PRICKLE2: variants seen among roughly 807,000 people sequenced by gnomAD.
The protein encoded by PRICKLE2 is prickle-like protein 2.
A neutral mutation model predicts 81.4 loss-of-function variants in PRICKLE2; 21 were observed. The ratio of observed to expected loss-of-function variants is 0.26; its 90% CI spans 0.18 to 0.37. The LOEUF (loss-of-function observed/expected upper bound fraction) is 0.37, where lower values mean the gene tolerates loss of function less well. PRICKLE2 is among the 10% of genes least tolerant of loss of function. PRICKLE2 has a pLI of 1.00. For missense variants in PRICKLE2, 940 were observed against 1,109.0 expected, an observed-to-expected ratio of 0.85 and a Z score of 2.16; for synonymous variants, 456 against 421.5, an observed-to-expected ratio of 1.08 and a Z score of -1.00.
intron 7 of PRICKLE2, among the ~76,000 whole-genome samples, chr3:64,110,066 T>C (rs375422882): frequency 1.3e-5 from 2 of 152,338 alleles, no homozygotes; most frequent in East Asian, 3.9e-4. Context: ...TCCAGAATCA[T>C]GTGGAGTCAG....
chr3:64,203,213 A>G (rs951062292), intron 1 of PRICKLE2, among the ~76,000 whole-genome samples: 1 of 152,162 alleles, frequency 6.6e-6, no homozygotes, highest in African/African-American at 2.4e-5. Context: ...TGCATCTCCA[A>G]CTCAAAGAAG....
At chr3:64,196,901 AT>A (rs1221208287) in intron 2 of PRICKLE2, among the ~76,000 whole-genome samples, 1 of 152,224 alleles carries the variant, frequency 6.6e-6, no homozygotes, top group East Asian at 1.9e-4. Context: ...GATCTTCAAA[AT>A]TTCAAGACAT....
intron 2 of PRICKLE2, among the ~76,000 whole-genome samples, chr3:64,237,732 C>T (rs1000259414): frequency 2.0e-5 from 3 of 151,854 alleles, no homozygotes; most frequent in Non-Finnish European, 2.9e-5. Flanking sequence ...GGGGCCCCAC[C>T]CTTTTCTGCC....
At chr3:64,157,417 G>A in intron 4 of PRICKLE2, 52 bp from the exon 5 acceptor site, 2 of 1,557,862 alleles carry the variant, frequency 1.3e-6, no homozygotes, top group Non-Finnish European at 1.8e-6. Flanking sequence ...ATCTCCCAGT[G>A]CTGTGCATAA....
intron 1 of PRICKLE2, among the ~76,000 whole-genome samples, chr3:64,215,636 C>A (rs932117919): frequency 6.6e-6 from 1 of 152,044 alleles, no homozygotes; most frequent in African/African-American, 2.4e-5. Flanking sequence ...ATGTATATTG[C>A]TACAATGATG....
intron 2 of PRICKLE2, chr3:64,268,158 A>T (rs1427968267): frequency 6.6e-6 from 1 of 152,310 alleles, no homozygotes; most frequent in Non-Finnish European, 1.5e-5. Context: ...GGTCCTGGGG[A>T]GAGGAGCTCC....
At chr3:64,222,182 A>T (rs2078965731) in intron 1 of PRICKLE2, among the ~76,000 whole-genome samples, 1 of 152,160 alleles carries the variant, frequency 6.6e-6, no homozygotes, top group African/African-American at 2.4e-5. Flanking sequence ...CAATATTCAT[A>T]TGAGGAAGCC....
intron 2 of PRICKLE2, among the ~76,000 whole-genome samples, chr3:64,177,125 CTTTT>C (rs10690677): frequency 1.4e-5 from 1 of 70,838 alleles, no homozygotes; most frequent in African/African-American, 6.1e-5. Context: ...CCATTTTAAC[CTTTT>C]TTTTTTTTTT....
At chr3:64,196,146 A>T (rs2078448917) in intron 2 of PRICKLE2, among the ~76,000 whole-genome samples, 1 of 152,214 alleles carries the variant, frequency 6.6e-6, no homozygotes, top group Non-Finnish European at 1.5e-5. Context: ...TCAAAACCCT[A>T]GCTTCTGCAA....
At chr3:64,178,234 C>T (rs1021051146) in intron 2 of PRICKLE2, among the ~76,000 whole-genome samples, 4 of 152,152 alleles carry the variant, frequency 2.6e-5, no homozygotes, top group African/African-American at 9.7e-5. Flanking sequence ...CTTCAGTCAT[C>T]TTTTAACTGA....
intron 7 of PRICKLE2, among the ~76,000 whole-genome samples, chr3:64,123,448 C>T (rs79270609): frequency 1.3e-5 from 2 of 152,298 alleles, no homozygotes; most frequent in Admixed American, 6.5e-5. Context: ...ATTAGTGATG[C>T]TCAACTGGTA....
rs202025796 is a variant in PRICKLE2, at chr3:64,157,317, C to A, written c.445G>T (p.Ala149Ser). 561 of 1,613,810 alleles carry A rather than the reference C, an allele frequency of 3.5e-4. No individual in the cohort carries two copies. The highest frequency in any genetic ancestry group is 4.5e-4 in the Non-Finnish European group (534 of 1,180,036). ...GGDIAVFASR[A>S]GHGVCWHPPC... ...GGGTGCCAGCAAACGCCGTGGCCAGCGCGTGACGCAAACACAGCGATGTCT... is the reference window on the plus strand; with the variant it reads ...GGGTGCCAGCAAACGCCGTGGCCAGAGCGTGACGCAAACACAGCGATGTCT... The change falls in exon 5 of 8, where the codon GCT (alanine) becomes TCT (serine). Residue 149 changes from alanine (A) to serine (S), a missense_variant. Ala to Ser is a moderately conservative substitution (Grantham distance 99, BLOSUM62 1). Coordinates refer to ENST00000638394, the MANE Select transcript of PRICKLE2 (RefSeq NM_198859.4).
chr3:64,217,679 G>A (rs1260105917), intron 1 of PRICKLE2, among the ~76,000 whole-genome samples: 1 of 152,124 alleles, frequency 6.6e-6, no homozygotes, highest in Non-Finnish European at 1.5e-5. Context: ...TAACTCATGG[G>A]TACAGGCTGC....
intron 6 of PRICKLE2, among the ~76,000 whole-genome samples, chr3:64,148,720 A>C (rs1026388902): frequency 6.6e-6 from 1 of 152,180 alleles, no homozygotes; most frequent in African/African-American, 2.4e-5. Flanking sequence ...ACAGAGGCCC[A>C]AGGGAGCCTG....
intron 7 of PRICKLE2, chr3:64,103,281 T>C (rs1313010954): frequency 6.6e-6 from 1 of 152,224 alleles, no homozygotes; most frequent in African/African-American, 2.4e-5. Flanking sequence ...GTGTGAAGGA[T>C]GGCTTCCTTG....
At chr3:64,177,683 G>A (rs1232956449) in intron 2 of PRICKLE2, among the ~76,000 whole-genome samples, 1 of 152,156 alleles carries the variant, frequency 6.6e-6, no homozygotes, top group African/African-American at 2.4e-5. Flanking sequence ...CGTCCTTTGT[G>A]TCTGCTTATT....
At chr3:64,241,514 A>T (rs2079265007) in intron 2 of PRICKLE2, among the ~76,000 whole-genome samples, 1 of 152,212 alleles carries the variant, frequency 6.6e-6, no homozygotes, top group Admixed American at 6.5e-5. Context: ...GCATATTTTA[A>T]CACCTACCAG....
intron 2 of PRICKLE2, among the ~76,000 whole-genome samples, chr3:64,232,699 G>T (rs1253095353): frequency 6.6e-6 from 1 of 152,068 alleles, no homozygotes; most frequent in African/African-American, 2.4e-5. Context: ...ATGACTCAAG[G>T]CGAGACCTTT....
chr3:64,170,138 A>G (rs1377583094), intron 2 of PRICKLE2, among the ~76,000 whole-genome samples: 1 of 152,096 alleles, frequency 6.6e-6, no homozygotes, highest in Non-Finnish European at 1.5e-5. Context: ...TCTCCTGGAG[A>G]CCCACATTAT....
Sources: gnomAD v4.1 joint callset for allele counts (sites outside exome capture counted in the v4.1 genomes callset) on GRCh38, gnomAD v4.1.1 for gene constraint, MANE v1.5 for transcripts, NCBI Gene and HGNC (gene_info 2026-07-23, HGNC 2026-07-21) for gene names.